CUX2: variants seen among roughly 807,000 people sequenced by gnomAD.
CUX2 encodes the protein homeobox protein cut-like 2.
CUX2 carries 40 observed loss-of-function variants against 144.8 expected under a neutral mutation model. That is an observed-to-expected ratio of 0.28 (90% CI 0.21 to 0.36). The LOEUF (loss-of-function observed/expected upper bound fraction) is 0.36. Ranked by LOEUF, CUX2 falls within the 10% of genes least tolerant of loss-of-function variation. CUX2 has a pLI of 1.00. For synonymous variants in CUX2, 827 were observed against 875.6 expected, an observed-to-expected ratio of 0.94 and a Z score of 0.98; for missense variants, 1,615 against 1,994.0, an observed-to-expected ratio of 0.81 and a Z score of 3.62.
In CUX2 at chr12:111,246,428, C is replaced by CA. The variant is rs1883283652; in HGVS notation, c.223-17332dup. On this transcript the variant is annotated intron_variant, in intron 3 of 21. Coordinates refer to ENST00000261726, the MANE Select transcript of CUX2 (RefSeq NM_015267.4). This position sits in a 1 kb window ranked among gnomAD's most constrained non-coding sequence, Gnocchi z 4.0. ...CATATAAAGCACTTAAAACGGTGCCCAGCACACTGGCCACCCTCCAATTCA... is the reference window on the plus strand; with the variant it reads ...CATATAAAGCACTTAAAACGGTGCCCAAGCACACTGGCCACCCTCCAATTCA... 6.6e-6 allele frequency among the ~76,000 whole-genome samples: 1 copy of CA among 152,160 alleles called. No individual in the cohort carries two copies. Among genetic ancestry groups the CA allele is most frequent in the Admixed American group, 6.5e-5 (1 of 15,270 alleles).
At position 111,105,786 on chromosome 12, in the gene CUX2, T is replaced by C. The variant is rs147452473; in HGVS notation, c.63+71546T>C. Among the ~76,000 whole-genome samples the C allele has an allele frequency of 1.1e-3, 170 of 152,310 alleles. 1 individual carries two copies. Among genetic ancestry groups the C allele is most frequent in the African/African-American group, 3.6e-3 (148 of 41,554 alleles). ...AACAGTAATACCTGCTGCATGGCTGTTCAGAGACTTAATTGAGAATTTCTC... is the reference window on the plus strand; with the variant it reads ...AACAGTAATACCTGCTGCATGGCTGCTCAGAGACTTAATTGAGAATTTCTC... On this transcript the variant is annotated intron_variant, in intron 1 of 21. Coordinates refer to ENST00000261726, the MANE Select transcript of CUX2 (RefSeq NM_015267.4).
At chr12:111,170,009 C>A (rs888906097) in intron 1 of CUX2, among the ~76,000 whole-genome samples, 1 of 152,184 alleles carries the variant, frequency 6.6e-6, no homozygotes, top group Non-Finnish European at 1.5e-5. Flanking sequence ...CCACTGGATG[C>A]CCCATGCAAG....
At chr12:111,097,625 G>C (rs537852624) in intron 1 of CUX2, among the ~76,000 whole-genome samples, 33 of 152,310 alleles carry the variant, frequency 2.2e-4, no homozygotes, top group Non-Finnish European at 2.5e-4. Context: ...TCTGCTCTCA[G>C]GGGGGTCACT....
rs988532343 is a variant in CUX2, at chr12:111,168,605, G to C, written c.64-45595G>C. ...TGCCTGACAACAGAGCGACATTCCT[G>C]TGCCATCACAGGGGAGAGTCGCATT... On this transcript the variant is annotated intron_variant, in intron 1 of 21. Coordinates refer to ENST00000261726, the MANE Select transcript of CUX2 (RefSeq NM_015267.4). 2.0e-5 allele frequency among the ~76,000 whole-genome samples: 3 copies of C among 152,316 alleles called. No homozygotes were observed. In the South Asian group the frequency reaches 6.2e-4, roughly 32 times the overall value.
At chr12:111,051,350 T>C (rs897853302) in intron 1 of CUX2, among the ~76,000 whole-genome samples, 4 of 152,218 alleles carry the variant, frequency 2.6e-5, no homozygotes, top group Non-Finnish European at 4.4e-5. Flanking sequence ...CCAACTGTTG[T>C]TAAATTGTCT....
At chr12:111,288,082 C>G (rs1885488262) in intron 4 of CUX2, among the ~76,000 whole-genome samples, 1 of 152,150 alleles carries the variant, frequency 6.6e-6, no homozygotes, top group African/African-American at 2.4e-5. Flanking sequence ...CAGTTCATAT[C>G]AGAGGACAGG....
intron 4 of CUX2, among the ~76,000 whole-genome samples, chr12:111,288,849 G>T (rs1392953303): frequency 6.6e-6 from 1 of 152,186 alleles, no homozygotes; most frequent in African/African-American, 2.4e-5. Flanking sequence ...TGTAATCTCA[G>T]CTACTCAGTA....
chr12:111,273,088 C>T (rs922796875), intron 4 of CUX2, among the ~76,000 whole-genome samples: 3 of 152,108 alleles, frequency 2.0e-5, no homozygotes, highest in Non-Finnish European at 2.9e-5. Context: ...TGGAGACTCT[C>T]GGGTTCAGCA....
intron 1 of CUX2, among the ~76,000 whole-genome samples, chr12:111,105,236 C>G (rs902058061): frequency 2.0e-5 from 3 of 152,160 alleles, no homozygotes; most frequent in African/African-American, 7.2e-5. Flanking sequence ...TCTGCCTCTT[C>G]AGAAATATTT....
chr12:111,263,688 A>G lies in CUX2; in HGVS notation c.223-73A>G. The G allele has an allele frequency of 8.2e-7, 1 of 1,219,002 alleles. No individual in the cohort carries two copies. Among genetic ancestry groups the G allele is most frequent in the Non-Finnish European group, 1.2e-6 (1 of 839,956 alleles). The allele number at this position is 1,219,002 out of a possible 1,614,324, so 75.5% of individuals were successfully genotyped here. On this transcript the variant is annotated intron_variant, in intron 3 of 21. Transcript: ENST00000261726. This position sits in a 1 kb window ranked among gnomAD's most constrained non-coding sequence, Gnocchi z 4.0. ...CTGCAGATGTTTTCTTGTGGAAAAA[A>G]AAAATGATGAAATTTGCTTGCAGAC... is the stretch of plus-strand genomic sequence containing the variant.
At chr12:111,270,625 T>C (rs1211210012) in intron 4 of CUX2, 2 of 147,668 alleles carry the variant, frequency 1.4e-5, no homozygotes, top group Admixed American at 6.9e-5. Flanking sequence ...ACTTGTTAAC[T>C]GAGTGATTAG....
chr12:111,097,071 A>G (rs1315049498), intron 1 of CUX2, among the ~76,000 whole-genome samples: 2 of 152,220 alleles, frequency 1.3e-5, no homozygotes, highest in South Asian at 2.1e-4. Flanking sequence ...ATTAAATCCT[A>G]AAAGCAGAGC....
intron 1 of CUX2, among the ~76,000 whole-genome samples, chr12:111,042,177 G>A (rs969482387): frequency 6.6e-6 from 1 of 152,230 alleles, no homozygotes; most frequent in African/African-American, 2.4e-5. Context: ...TCTGTGAGCC[G>A]CCGTCGCTCA....
At chr12:111,309,154 C>G (rs966044618) in intron 14 of CUX2, among the ~76,000 whole-genome samples, 6 of 152,190 alleles carry the variant, frequency 3.9e-5, no homozygotes, top group Admixed American at 2.6e-4. Context: ...ATCCGCCTGC[C>G]TCAGCCTCCC....
At chr12:111,107,424 T>C (rs1196524524) in intron 1 of CUX2, among the ~76,000 whole-genome samples, 1 of 152,276 alleles carries the variant, frequency 6.6e-6, no homozygotes, top group African/African-American at 2.4e-5. Flanking sequence ...AAAGATGTCA[T>C]GTACATGTCA....
At chr12:111,308,077 T>A (rs1178130834) in intron 12 of CUX2, among the ~76,000 whole-genome samples, 1 of 152,134 alleles carries the variant, frequency 6.6e-6, no homozygotes, top group East Asian at 1.9e-4. Context: ...AATGGGTCAG[T>A]TCAGGCAGCA....
At position 111,079,449 on chromosome 12, in the gene CUX2, C is replaced by T. The variant is rs115558300; in HGVS notation, c.63+45209C>T. 5.4e-3 allele frequency among the ~76,000 whole-genome samples: 823 copies of T among 152,246 alleles called. 11 individuals carry two copies. The highest frequency in any genetic ancestry group is 0.019 in the African/African-American group (776 of 41,540). On this transcript the variant is annotated intron_variant, in intron 1 of 21. Transcript: ENST00000261726. ...AGGCTCAGGCAGGGGCAGTCGCTTG[C>T]CTGCAGTCACACAGCCCTACCTGGT...
At chr12:111,156,978 C>T (rs1462913109) in intron 1 of CUX2, among the ~76,000 whole-genome samples, 2 of 78,000 alleles carry the variant, frequency 2.6e-5, no homozygotes, top group African/African-American at 1.4e-4. Flanking sequence ...AAGAGCAAAA[C>T]TTCTCTCAAA....
chr12:111,305,882 A>G (rs1216667348), intron 10 of CUX2, among the ~76,000 whole-genome samples: 3 of 151,612 alleles, frequency 2.0e-5, no homozygotes, highest in African/African-American at 7.3e-5. Flanking sequence ...ATGCGTGTGT[A>G]TTTGTGTGTG....
Sources: allele counts gnomAD v4.1 joint callset (sites outside exome capture counted in the v4.1 genomes callset), GRCh38; gene constraint gnomAD v4.1.1; non-coding constraint Gnocchi (gnomAD v3.1); transcripts MANE v1.5; gene names NCBI Gene and HGNC (gene_info 2026-07-23, HGNC 2026-07-21).